The following L3MBTL4 variants were observed in gnomAD, a reference collection of about 807,000 sequenced individuals.
L3MBTL4 encodes lethal(3)malignant brain tumor-like protein 4.
In L3MBTL4, 70 loss-of-function variants were observed where a neutral mutation model predicts 84.5. The observed-to-expected ratio is 0.83, with a 90% CI of 0.68 to 1.01. The LOEUF is 1.01. Ranked by LOEUF, L3MBTL4 falls within the 50% of genes least tolerant of loss-of-function variation. The probability of loss-of-function intolerance (pLI) is 0.00; values close to 1 mark genes in which losing one functional copy is unlikely to be tolerated. For synonymous variants in L3MBTL4, 274 were observed against 259.8 expected, an observed-to-expected ratio of 1.05 and a Z score of -0.52; for missense variants, 715 against 754.8, an observed-to-expected ratio of 0.95 and a Z score of 0.62.
intron 4 of L3MBTL4, among the ~76,000 whole-genome samples, chr18:6,301,028 T>C (rs898984577): frequency 5.3e-5 from 8 of 152,234 alleles, no homozygotes; most frequent in Non-Finnish European, 1.0e-4. Context: ...AACATAGCTT[T>C]TATTTTTAAA....
At chr18:6,047,115 AACATCTCTATGC>A (rs974855238) in intron 16 of L3MBTL4, among the ~76,000 whole-genome samples, 2 of 152,208 alleles carry the variant, frequency 1.3e-5, no homozygotes, top group African/African-American at 4.8e-5. Context: ...GACTATTATG[AACATCTCTATGC>A]ACACAATCTG....
intron 18 of L3MBTL4, among the ~76,000 whole-genome samples, chr18:5,956,672 T>C (rs1258896742): frequency 6.6e-6 from 1 of 152,226 alleles, no homozygotes; most frequent in Non-Finnish European, 1.5e-5. Flanking sequence ...TCTATTGTTG[T>C]CTTTTAAAAA....
intron 4 of L3MBTL4, among the ~76,000 whole-genome samples, chr18:6,296,204 A>G (rs567852417): frequency 6.6e-6 from 1 of 152,340 alleles, no homozygotes; most frequent in South Asian, 2.1e-4. Flanking sequence ...TGAAGCTTCT[A>G]GAATCATTTA....
intron 1 of L3MBTL4, among the ~76,000 whole-genome samples, chr18:6,351,749 C>G (rs1012576592): frequency 1.3e-5 from 2 of 152,046 alleles, no homozygotes; most frequent in Non-Finnish European, 2.9e-5. Flanking sequence ...GACGGGGTTT[C>G]ACCATGTTAG....
At chr18:6,067,758 T>C (rs1040961971) in intron 16 of L3MBTL4, among the ~76,000 whole-genome samples, 1 of 152,218 alleles carries the variant, frequency 6.6e-6, no homozygotes, top group African/African-American at 2.4e-5. Flanking sequence ...AGTAATTTAA[T>C]AAGCAACCTT....
chr18:6,273,996 C>T (rs2048978949), intron 4 of L3MBTL4, among the ~76,000 whole-genome samples: 1 of 152,202 alleles, frequency 6.6e-6, no homozygotes, highest in African/African-American at 2.4e-5. Flanking sequence ...TTGGGACCAG[C>T]AATCCACTAA....
intron 17 of L3MBTL4, 46 bp from the exon 18 acceptor site, chr18:5,960,202 T>C: frequency 8.2e-7 from 1 of 1,221,926 alleles, no homozygotes; most frequent in Non-Finnish European, 1.2e-6. Flanking sequence ...GCACCTGAAA[T>C]AATTTGGGGG....
At chr18:6,349,466 T>C (rs563055647) in intron 1 of L3MBTL4, among the ~76,000 whole-genome samples, 6 of 152,264 alleles carry the variant, frequency 3.9e-5, no homozygotes, top group South Asian at 4.1e-4. Context: ...CGGTGACTCA[T>C]GTCTATAATC....
At chr18:6,352,035 G>T (rs1023147780) in intron 1 of L3MBTL4, among the ~76,000 whole-genome samples, 2 of 152,046 alleles carry the variant, frequency 1.3e-5, no homozygotes, top group Non-Finnish European at 2.9e-5. Flanking sequence ...TATTTTCTGG[G>T]TATTATACTA....
chr18:6,374,019 T>C (rs1041369537), intron 1 of L3MBTL4, among the ~76,000 whole-genome samples: 1 of 152,194 alleles, frequency 6.6e-6, no homozygotes, highest in African/African-American at 2.4e-5. Context: ...TAATTTTTCA[T>C]CTTCCATGTG....
chr18:6,314,857 C>A (rs895109448), intron 1 of L3MBTL4, among the ~76,000 whole-genome samples: 40 of 152,090 alleles, frequency 2.6e-4, no homozygotes, highest in African/African-American at 9.4e-4. Context: ...TCACAGGTAC[C>A]TTGAGGAATA....
chr18:6,303,072 C>T, intron 3 of L3MBTL4, among the ~76,000 whole-genome samples: 1 of 152,094 alleles, frequency 6.6e-6, no homozygotes, highest in East Asian at 1.9e-4. Flanking sequence ...TGAAGGGTTT[C>T]AAGCAGGCTT....
At chr18:6,026,384 T>C (rs1046912088) in intron 16 of L3MBTL4, among the ~76,000 whole-genome samples, 1 of 152,228 alleles carries the variant, frequency 6.6e-6, no homozygotes, top group African/African-American at 2.4e-5. Context: ...GGTCAACTTG[T>C]ATTTGTATTA....
At chr18:6,007,265 A>G (rs1328234936) in intron 16 of L3MBTL4, among the ~76,000 whole-genome samples, 1 of 152,156 alleles carries the variant, frequency 6.6e-6, no homozygotes, top group Non-Finnish European at 1.5e-5. Flanking sequence ...AACTGCTAAG[A>G]AAAAAACTAA....
chr18:5,976,237 A>G (rs532642674), intron 16 of L3MBTL4, among the ~76,000 whole-genome samples: 2 of 152,336 alleles, frequency 1.3e-5, no homozygotes, highest in East Asian at 3.9e-4. Flanking sequence ...TCTCCTTAAT[A>G]ATTTTTTGAA....
At chr18:6,367,012 C>T (rs2053964190) in intron 1 of L3MBTL4, among the ~76,000 whole-genome samples, 1 of 152,214 alleles carries the variant, frequency 6.6e-6, no homozygotes, top group Admixed American at 6.5e-5. Flanking sequence ...AAACACAAGT[C>T]CCTAGGAAAG....
intron 16 of L3MBTL4, chr18:6,031,655 G>C (rs2055806845): frequency 1.0e-6 from 1 of 977,762 alleles, no homozygotes; most frequent in African/African-American, 1.8e-5. Flanking sequence ...AGCTGACTCA[G>C]CTTCACAGGT....
chr18:6,013,448 T>C (rs1204890742), intron 16 of L3MBTL4, among the ~76,000 whole-genome samples: 5 of 152,222 alleles, frequency 3.3e-5, no homozygotes, highest in Non-Finnish European at 5.9e-5. Context: ...TTTTCTATGA[T>C]GATGAGGAGC....
intron 13 of L3MBTL4, 53 bp from the exon 14 acceptor site, chr18:6,138,349 C>T: frequency 9.2e-7 from 1 of 1,086,526 alleles, no homozygotes; most frequent in African/African-American, 1.6e-5. Context: ...AAGAAGACTG[C>T]AAATCTGAAA....
Sources: allele counts gnomAD v4.1 joint callset (sites outside exome capture counted in the v4.1 genomes callset), GRCh38; gene constraint gnomAD v4.1.1; transcripts MANE v1.5; gene names NCBI Gene and HGNC (gene_info 2026-07-23, HGNC 2026-07-21).